Variants in VPS13B observed in about 807,000 individuals in gnomAD.
The protein encoded by VPS13B is intermembrane lipid transfer protein VPS13B.
Under a neutral mutation model 426.4 loss-of-function variants are expected in VPS13B, and 285 were observed. That is an observed-to-expected ratio of 0.67 (90% confidence interval 0.61 to 0.74). VPS13B has a LOEUF of 0.74. Ranked by LOEUF, VPS13B falls within the 30% of genes least tolerant of loss-of-function variation. VPS13B has a pLI of 0.00. For synonymous variants in VPS13B, 1,676 were observed against 1,676.4 expected (o/e 1.00, Z 0.01); for missense variants, 4,537 against 4,782.6 (o/e 0.95, Z 1.51).
chr8:99,712,630 G>A (rs569146461), intron 36 of VPS13B, among the ~76,000 whole-genome samples: 1 of 151,842 alleles, frequency 6.6e-6, no homozygotes, highest in East Asian at 1.9e-4. Flanking sequence ...CTCTCTTCTT[G>A]TTCCAGCCTC....
chr8:99,575,685 A>G lies in VPS13B; in HGVS notation c.4977A>G (p.Ala1659=), dbSNP rs1000290306. The stretch of plus-strand genomic sequence containing the variant: ...TACGGCGGCATCAAGAAAGGAGAGC[A>G]ATTTTGACCCCCGTTTTGACAGATT... ...SSIRRHQERR[A]ILTPVLTDFS... Residue 1659 remains alanine, a synonymous_variant, in exon 32 of 62, where the codon GCA becomes GCG. Coordinates refer to ENST00000357162, the MANE Select transcript of VPS13B (RefSeq NM_152564.5). The G allele has an allele frequency of 3.1e-6, 5 of 1,613,930 alleles. No homozygotes were observed. The highest frequency in any genetic ancestry group is 4.2e-6 in the Non-Finnish European group (5 of 1,179,898).
chr8:99,564,894 T>TA (rs1161772438), intron 31 of VPS13B, among the ~76,000 whole-genome samples: 5 of 152,240 alleles, frequency 3.3e-5, no homozygotes, highest in African/African-American at 4.8e-5. Flanking sequence ...AGGCTTGTGC[T>TA]AAAGTCCATT....
chr8:99,873,276 T>G (rs1817524194), intron 61 of VPS13B: 1 of 152,222 alleles, frequency 6.6e-6, no homozygotes, highest in Non-Finnish European at 1.5e-5. Context: ...AGGCAGGTAC[T>G]GTGGAGAATC....
rs189670055 is a variant in VPS13B at position 99,387,789 on chromosome 8, A to G, written c.2934+3472A>G. ...TGCCGATATACAAGTATTGGTGAAAATGTAGAGAATGATTACTATTGTTGT... is the reference window on the plus strand; with the variant it reads ...TGCCGATATACAAGTATTGGTGAAAGTGTAGAGAATGATTACTATTGTTGT... On this transcript the variant is annotated intron_variant, in intron 20 of 61. Coordinates refer to ENST00000357162, the MANE Select transcript of VPS13B (RefSeq NM_152564.5). Among the ~76,000 whole-genome samples, 28 of 152,310 alleles carry G rather than the reference A, an allele frequency of 1.8e-4. No homozygotes were observed. In the East Asian group the frequency reaches 4.4e-3, roughly 24 times the overall value.
intron 30 of VPS13B, among the ~76,000 whole-genome samples, chr8:99,555,981 C>T (rs945805976): frequency 2.0e-5 from 3 of 151,950 alleles, no homozygotes; most frequent in Non-Finnish European, 2.9e-5. Flanking sequence ...AGAAAGTAGA[C>T]GATTAGCAAG....
chr8:99,234,614 T>C (rs147606638), intron 17 of VPS13B, among the ~76,000 whole-genome samples: 8 of 152,212 alleles, frequency 5.3e-5, no homozygotes, highest in African/African-American at 1.7e-4. Flanking sequence ...GCTCGCGCAG[T>C]CCCTAGTACA....
intron 3 of VPS13B, among the ~76,000 whole-genome samples, chr8:99,048,973 G>A (rs556225099): frequency 1.2e-4 from 19 of 152,234 alleles, no homozygotes; most frequent in African/African-American, 3.6e-4. Flanking sequence ...CTGATATAAG[G>A]ATAGATACTG....
chr8:99,746,835 T>A (rs552954723), intron 39 of VPS13B, among the ~76,000 whole-genome samples: 2 of 152,270 alleles, frequency 1.3e-5, no homozygotes, highest in African/African-American at 4.8e-5. Context: ...ATGCTAATGT[T>A]ATACATGCTT....
At chr8:99,220,427 G>C (rs899944244) in intron 17 of VPS13B, among the ~76,000 whole-genome samples, 7 of 152,162 alleles carry the variant, frequency 4.6e-5, no homozygotes, top group Non-Finnish European at 8.8e-5. Flanking sequence ...CTGTTTGTTT[G>C]TGTTGATGTC....
At chr8:99,387,656 G>A (rs2133303118) in intron 20 of VPS13B, among the ~76,000 whole-genome samples, 1 of 152,050 alleles carries the variant, frequency 6.6e-6, no homozygotes, top group African/African-American at 2.4e-5. Context: ...CCCCACCATG[G>A]AAAATCGAGA....
At chr8:99,195,257 A>AATTT (rs1284893350) in intron 17 of VPS13B, among the ~76,000 whole-genome samples, 6 of 152,150 alleles carry the variant, frequency 3.9e-5, no homozygotes, top group African/African-American at 1.4e-4. Context: ...TTGTGAATTT[A>AATTT]ATTTACATTT....
intron 30 of VPS13B, among the ~76,000 whole-genome samples, chr8:99,554,484 G>A (rs1824444714): frequency 6.6e-6 from 1 of 152,084 alleles, no homozygotes; most frequent in African/African-American, 2.4e-5. Flanking sequence ...CTCCGCCTGA[G>A]ATTTGTAAAG....
chr8:99,368,736 C>T (rs1156413638), intron 19 of VPS13B, among the ~76,000 whole-genome samples: 1 of 152,144 alleles, frequency 6.6e-6, no homozygotes, highest in Admixed American at 6.5e-5. Flanking sequence ...ATAGTCCATG[C>T]TCCATTCATT....
At chr8:99,576,223 T>C (rs1825768319) in intron 32 of VPS13B, among the ~76,000 whole-genome samples, 1 of 152,178 alleles carries the variant, frequency 6.6e-6, no homozygotes, top group Non-Finnish European at 1.5e-5. Context: ...TGTTTTTATA[T>C]TATTAGCTGC....
At position 99,121,600 on chromosome 8, in the gene VPS13B, C is replaced by T. The variant is rs1462629205; in HGVS notation, c.1206+155C>T. 28 of 1,440,634 alleles carry T rather than the reference C, an allele frequency of 1.9e-5. No homozygotes were observed. The Admixed American group carries it at 7.8e-4, about 40-fold the overall frequency. 89.2% of individuals were successfully genotyped at this position (1,440,634 alleles called of 1,614,324 possible). A position where few individuals can be genotyped will look rare whatever the true frequency, so the allele number is the denominator to read the frequency against. On this transcript the variant is annotated intron_variant, in intron 8 of 61. Coordinates refer to ENST00000357162, the MANE Select transcript of VPS13B (RefSeq NM_152564.5). Reference sequence around the variant, plus strand: ...TACTTCATAAAATTACATGGCTCCTCCACTTGAAATCTTTGAATTCTGATC... The same window carrying T: ...TACTTCATAAAATTACATGGCTCCTTCACTTGAAATCTTTGAATTCTGATC...
At position 99,848,417 on chromosome 8, in the gene VPS13B, T is replaced by G. The variant is rs902104332; in HGVS notation, c.9943-359T>G. 2.0e-5 allele frequency among the ~76,000 whole-genome samples: 3 copies of G among 152,000 alleles called. No individual in the cohort carries two copies. The South Asian group carries it at 6.2e-4, about 32-fold the overall frequency. ...GCACATTGCACTTCAAGTCCCAAGTTTTAGTTTTTTTCCCACAAAGATCCA... is the reference window on the plus strand; with the variant it reads ...GCACATTGCACTTCAAGTCCCAAGTGTTAGTTTTTTTCCCACAAAGATCCA... On this transcript the variant is annotated intron_variant, in intron 54 of 61. Transcript: ENST00000357162.
At chr8:99,483,170 A>G (rs1820132512) in intron 25 of VPS13B, among the ~76,000 whole-genome samples, 1 of 152,196 alleles carries the variant, frequency 6.6e-6, no homozygotes, top group Admixed American at 6.5e-5. Context: ...AGCATTTAAC[A>G]CTTTAGAGTA....
chr8:99,024,887 G>A (rs984841023), intron 2 of VPS13B, among the ~76,000 whole-genome samples: 3 of 151,976 alleles, frequency 2.0e-5, no homozygotes, highest in African/African-American at 7.3e-5. Context: ...ATCTTTTTGG[G>A]TCATTTTAAC....
intron 33 of VPS13B, among the ~76,000 whole-genome samples, chr8:99,592,689 C>T (rs1467502936): frequency 1.3e-5 from 2 of 152,058 alleles, no homozygotes; most frequent in Non-Finnish European, 2.9e-5. Flanking sequence ...GTAACCAAAA[C>T]AGCATGGTAC....
Sources: gnomAD v4.1 joint callset for allele counts (sites outside exome capture counted in the v4.1 genomes callset) on GRCh38, gnomAD v4.1.1 for gene constraint, MANE v1.5 for transcripts, NCBI Gene and HGNC (gene_info 2026-07-23, HGNC 2026-07-21) for gene names.